MTHFD1: variants seen among roughly 807,000 people sequenced by gnomAD.
The protein encoded by MTHFD1 is methylenetetrahydrofolate dehydrogenase, cyclohydrolase and formyltetrahydrofolate synthetase 1.
MTHFD1 carries 44 observed loss-of-function variants against 110.3 expected under a neutral mutation model. The ratio of observed to expected loss-of-function variants is 0.40; its 90% confidence interval spans 0.31 to 0.51. The LOEUF (loss-of-function observed/expected upper bound fraction) is 0.51, where lower values mean the gene tolerates loss of function less well. MTHFD1 is among the 20% of genes least tolerant of loss of function. MTHFD1 has a pLI of 0.60. For synonymous variants in MTHFD1, 402 were observed against 428.8 expected, an observed-to-expected ratio of 0.94 and a Z score of 0.77; for missense variants, 909 against 1,173.1, an observed-to-expected ratio of 0.77 and a Z score of 3.29.
At position 64,458,317 on chromosome 14, in the gene MTHFD1, T is replaced by C; in HGVS notation, c.*4+10T>C. Reference sequence around the variant, plus strand: ...GGATTATTCTAAACAGGTAAGTTGTTACTGGGTAATAATTTGGCTTTTTTC... The same window carrying C: ...GGATTATTCTAAACAGGTAAGTTGTCACTGGGTAATAATTTGGCTTTTTTC... On this transcript the variant is annotated intron_variant, in intron 27 of 27. Coordinates refer to ENST00000652337, the MANE Select transcript of MTHFD1 (RefSeq NM_005956.4). The C allele has an allele frequency of 1.3e-6, 2 of 1,585,226 alleles. No homozygotes were observed. The highest frequency in any genetic ancestry group is 1.7e-6 in the Non-Finnish European group (2 of 1,153,680).
At chr14:64,411,974 CAT>C (rs542455809) in intron 3 of MTHFD1, among the ~76,000 whole-genome samples, 104 of 151,764 alleles carry the variant, frequency 6.9e-4, no homozygotes, top group Admixed American at 3.1e-3. Context: ...CATAAGATAA[CAT>C]AGACAGAATT....
At chr14:64,441,907 GTTAC>G (rs756225207) in intron 19 of MTHFD1, 143 bp from the exon 20 acceptor site, 3 of 703,842 alleles carry the variant, frequency 4.3e-6, no homozygotes, top group East Asian at 2.7e-5. Context: ...TGACTGGGAC[GTTAC>G]TGAAATAAAA....
chr14:64,444,664 G>A (rs778333299), intron 21 of MTHFD1, 29 bp from the exon 22 acceptor site: 76 of 1,613,746 alleles, frequency 4.7e-5, no homozygotes, highest in Non-Finnish European at 6.0e-5. Flanking sequence ...AATAGGAAAT[G>A]CCTCTGACTC....
rs1307033593 is a variant in MTHFD1, at chr14:64,445,713, A to T, written c.2178+979A>T. On this transcript the variant is annotated intron_variant, in intron 22 of 27. Transcript: ENST00000652337. ...TGTCTGATTCACGCGTAGGAGGGGA[A>T]TTCACAGTTCTGGCCCTCCTGCCAC... Among the ~76,000 whole-genome samples, 6 of 152,322 alleles carry T rather than the reference A, an allele frequency of 3.9e-5. No homozygotes were observed. The Middle Eastern group carries it at 0.017, about 432-fold the overall frequency.
At chr14:64,396,853 C>T (rs2077853400) in intron 1 of MTHFD1, among the ~76,000 whole-genome samples, 1 of 148,658 alleles carries the variant, frequency 6.7e-6, no homozygotes, top group Admixed American at 6.7e-5. Flanking sequence ...TCCTGTAATC[C>T]CAGCACTTTG....
rs755605980 is a variant in MTHFD1, at chr14:64,442,125, C to T, written c.1956C>T (p.Asp652=). ...ATGGCAATTCCTCCATCATTGCAGA[C>T]CGGATCGCACTCAAGCTTGTTGGCC... ...IAHGNSSIIA[D]RIALKLVGPE... is the part of the protein sequence containing the mutation. Residue 652 remains aspartate (D), a synonymous_variant, in exon 20 of 28, where the codon GAC becomes GAT. Coordinates refer to ENST00000652337, the MANE Select transcript of MTHFD1 (RefSeq NM_005956.4). 1 of 1,614,160 alleles carries T rather than the reference C, an allele frequency of 6.2e-7. No homozygotes were observed.
At chr14:64,391,780 C>A (rs1211609720) in intron 1 of MTHFD1, among the ~76,000 whole-genome samples, 2 of 152,184 alleles carry the variant, frequency 1.3e-5, no homozygotes, top group Non-Finnish European at 2.9e-5. Flanking sequence ...GAGTTAGAGA[C>A]AAGTATCTGT....
chr14:64,420,563 C>T (rs988220872), intron 8 of MTHFD1, among the ~76,000 whole-genome samples: 9 of 152,154 alleles, frequency 5.9e-5, no homozygotes, highest in African/African-American at 2.2e-4. Flanking sequence ...ATTGTTTTCT[C>T]TCTCCTCTGT....
intron 1 of MTHFD1, among the ~76,000 whole-genome samples, chr14:64,391,318 C>T (rs1486418115): frequency 1.3e-5 from 2 of 152,168 alleles, no homozygotes; most frequent in African/African-American, 2.4e-5. Flanking sequence ...GCATGCACTA[C>T]TATGCCCGGC....
intron 2 of MTHFD1, among the ~76,000 whole-genome samples, chr14:64,402,221 G>A (rs936155356): frequency 1.3e-5 from 2 of 152,188 alleles, no homozygotes; most frequent in African/African-American, 2.4e-5. Flanking sequence ...GCATGGTTTT[G>A]TAACATCCTT....
intron 27 of MTHFD1, 54 bp from the exon 28 acceptor site, chr14:64,459,704 GA>G: frequency 7.3e-7 from 1 of 1,362,160 alleles, no homozygotes; most frequent in Non-Finnish European, 9.5e-7. Flanking sequence ...GAAGGAACAG[GA>G]AACATTTCAG....
rs1207898380 is a variant in MTHFD1 at position 64,459,951 on chromosome 14, G to C, written c.*197G>C. On this transcript the variant is annotated 3_prime_UTR_variant, in exon 28 of 28. Coordinates refer to ENST00000652337, the MANE Select transcript of MTHFD1 (RefSeq NM_005956.4). ...TCATGTATAAATTAACATAAATCAT[G>C]CATGTCTGTTTACTTTAGTGACGTT... 8.5e-6 allele frequency: 13 copies of C among 1,526,150 alleles called. No homozygotes were observed. The highest frequency in any genetic ancestry group is 1.1e-5 in the Non-Finnish European group (13 of 1,138,604). 94.5% of individuals were successfully genotyped at this position (1,526,150 alleles called of 1,614,324 possible). A position where few individuals can be genotyped will look rare whatever the true frequency, so the allele number is the denominator to read the frequency against.
At chr14:64,429,767 CT>C (rs2078144424) in intron 12 of MTHFD1, among the ~76,000 whole-genome samples, 1 of 134,308 alleles carries the variant, frequency 7.4e-6, no homozygotes, top group Non-Finnish European at 1.6e-5. Flanking sequence ...AGGCTGCTTT[CT>C]AACAGCCTAA....
chr14:64,409,458 G>A lies in MTHFD1; in HGVS notation c.127-1632G>A, dbSNP rs543098522. On this transcript the variant is annotated intron_variant, in intron 2 of 27. Coordinates refer to ENST00000652337, the MANE Select transcript of MTHFD1 (RefSeq NM_005956.4). ...TCTCAGAGTTAAGACTAAATAACTA[G>A]TGGTAGGTATAAATATGAATGAAAT... is the stretch of plus-strand genomic sequence containing the variant. Among the ~76,000 whole-genome samples the A allele has an allele frequency of 4.6e-5, 7 of 152,310 alleles. No individual in the cohort carries two copies. In the East Asian group the frequency reaches 9.6e-4, roughly 21 times the overall value.
At position 64,415,281 on chromosome 14, in the gene MTHFD1, T is replaced by G. The variant is rs193138018; in HGVS notation, c.241-77T>G. On this transcript the variant is annotated intron_variant, in intron 4 of 27. Transcript: ENST00000652337. ...GTTGGGGGGAAATAGGGCAACCTAA[T>G]TTTTGCCTTAGAAAGTGTTTCTTCC... The G allele has an allele frequency of 3.0e-5, 39 of 1,315,190 alleles. No individual in the cohort carries two copies. The African/African-American group carries it at 4.5e-4, about 15-fold the overall frequency. The allele number at this position is 1,315,190 out of a possible 1,614,324, so 81.5% of individuals were successfully genotyped here. A position where few individuals can be genotyped will look rare whatever the true frequency, so the allele number is the denominator to read the frequency against.
In MTHFD1 at chr14:64,435,038, C is replaced by T. The variant is rs144923692; in HGVS notation, c.1495-531C>T. Among the ~76,000 whole-genome samples, 318 of 148,334 alleles carry T rather than the reference C, an allele frequency of 2.1e-3. 1 individual carries two copies. Among genetic ancestry groups the T allele is most frequent in the African/African-American group, 7.6e-3 (306 of 40,288 alleles). ...GATCTTGGCTTACTGCAACCTCTAC[C>T]TCCTGGGTTCAAGCAGTTCTGCTGT... is the stretch of plus-strand genomic sequence containing the variant. On this transcript the variant is annotated intron_variant, in intron 15 of 27. Coordinates refer to ENST00000652337, the MANE Select transcript of MTHFD1 (RefSeq NM_005956.4).
At chr14:64,456,198 C>G (rs74058121) in intron 26 of MTHFD1, among the ~76,000 whole-genome samples, 6 of 146,008 alleles carry the variant, frequency 4.1e-5, no homozygotes, top group African/African-American at 1.5e-4. Flanking sequence ...TGGAGAGAGA[C>G]ACAGCCTGCC....
At chr14:64,412,575 C>G in intron 4 of MTHFD1, 50 bp downstream of exon 4, 1 of 1,486,582 alleles carries the variant, frequency 6.7e-7, no homozygotes. Flanking sequence ...GTGGTTTCCT[C>G]TCTGGTTTTG....
intron 10 of MTHFD1, 68 bp downstream of exon 10, chr14:64,425,895 G>C (rs1199270158): frequency 6.4e-7 from 1 of 1,566,622 alleles, no homozygotes; most frequent in Non-Finnish European, 8.8e-7. Flanking sequence ...GATACTGTGG[G>C]TTCACATATG....
Sources: gnomAD v4.1 joint callset for allele counts (sites outside exome capture counted in the v4.1 genomes callset) on GRCh38, gnomAD v4.1.1 for gene constraint, MANE v1.5 for transcripts, NCBI Gene and HGNC (gene_info 2026-07-23, HGNC 2026-07-21) for gene names.